Variants in EXT1 observed in about 807,000 individuals in gnomAD.
EXT1 encodes the protein exostosin glycosyltransferase 1.
In EXT1, 20 loss-of-function variants were observed where a neutral mutation model predicts 82.5. The observed-to-expected ratio is 0.24, with a 90% CI of 0.17 to 0.35. The LOEUF is 0.35. EXT1 is among the 10% of genes least tolerant of loss of function. EXT1 has a pLI of 1.00. For synonymous variants in EXT1, 348 were observed against 350.8 expected (o/e 0.99, Z 0.09); for missense variants, 757 against 936.5 (o/e 0.81, Z 2.50).
chr8:118,099,721 G>A (rs1817683486), intron 1 of EXT1, among the ~76,000 whole-genome samples: 1 of 152,218 alleles, frequency 6.6e-6, no homozygotes, highest in Non-Finnish European at 1.5e-5. Flanking sequence ...TGGACATAAA[G>A]ATTAAAGAAG....
rs529714436 is a variant in EXT1, at chr8:117,900,185, G to A, written c.963-62984C>T. Among the ~76,000 whole-genome samples the A allele has an allele frequency of 4.6e-5, 7 of 152,302 alleles. 1 individual carries two copies. The South Asian group carries it at 1.4e-3, about 32-fold the overall frequency. ...CAGAAAAGTCCTGCCTAGAGGTCAG[G>A]AAAGATGACCAGAAATGACGCCTGA... On this transcript the variant is annotated intron_variant, in intron 1 of 10. Transcript: ENST00000378204.
At chr8:117,995,047 G>C (rs1179389175) in intron 1 of EXT1, among the ~76,000 whole-genome samples, 1 of 152,244 alleles carries the variant, frequency 6.6e-6, no homozygotes, top group African/African-American at 2.4e-5. Flanking sequence ...CAAACTGAGA[G>C]AGAGTGTTTT....
intron 1 of EXT1, among the ~76,000 whole-genome samples, chr8:117,872,145 A>G (rs534731171): frequency 2.6e-5 from 4 of 151,104 alleles, no homozygotes; most frequent in Non-Finnish European, 5.9e-5. Context: ...TTTCAAAAGA[A>G]AGAAAAGGAA....
chr8:117,855,610 T>A (rs980668922), intron 1 of EXT1, among the ~76,000 whole-genome samples: 1 of 152,188 alleles, frequency 6.6e-6, no homozygotes, highest in African/African-American at 2.4e-5. Context: ...ATTAGGCCAA[T>A]TAATAACCCT....
At chr8:118,000,637 C>T (rs143677077) in intron 1 of EXT1, among the ~76,000 whole-genome samples, 8 of 152,268 alleles carry the variant, frequency 5.3e-5, no homozygotes, top group East Asian at 1.9e-4. Flanking sequence ...TAGCACTGCA[C>T]GCATCATTGA....
intron 10 of EXT1, among the ~76,000 whole-genome samples, chr8:117,803,262 T>G (rs1481147908): frequency 6.6e-6 from 1 of 152,124 alleles, no homozygotes; most frequent in Non-Finnish European, 1.5e-5. Flanking sequence ...TGGCATGATC[T>G]CAACCCACTG....
intron 1 of EXT1, among the ~76,000 whole-genome samples, chr8:118,004,556 C>T (rs763289907): frequency 2.6e-5 from 4 of 152,298 alleles, no homozygotes; most frequent in South Asian, 2.1e-4. Context: ...GGGAGCACAG[C>T]GCAGATGTCC....
intron 1 of EXT1, among the ~76,000 whole-genome samples, chr8:117,909,086 C>T (rs1340985759): frequency 9.2e-5 from 14 of 151,528 alleles, no homozygotes; most frequent in Admixed American, 7.9e-4. Flanking sequence ...GAACCGAGAT[C>T]GGGCCGTTGG....
At position 118,014,721 on chromosome 8, in the gene EXT1, G is replaced by C. The variant is rs559830622; in HGVS notation, c.962+95364C>G. ...CCGAAAGTGCTGGGATTATAGGTAGGAGCCACCATGCCCAGCCAAGCATCC... is the reference window on the plus strand; with the variant it reads ...CCGAAAGTGCTGGGATTATAGGTAGCAGCCACCATGCCCAGCCAAGCATCC... On this transcript the variant is annotated intron_variant, in intron 1 of 10. Coordinates refer to ENST00000378204, the MANE Select transcript of EXT1 (RefSeq NM_000127.3). 5.8e-4 allele frequency among the ~76,000 whole-genome samples: 89 copies of C among 152,162 alleles called. 1 individual carries two copies. In the South Asian group the frequency reaches 0.017, roughly 29 times the overall value.
At position 118,090,082 on chromosome 8, in the gene EXT1, G is replaced by C. The variant is rs557416501; in HGVS notation, c.962+20003C>G. 2.0e-5 allele frequency among the ~76,000 whole-genome samples: 3 copies of C among 152,248 alleles called. No individual in the cohort carries two copies. The South Asian group carries it at 6.2e-4, about 32-fold the overall frequency. ...ATCCTTTTCAGTGGTGGTGAGAGGT[G>C]CCAGGTGCTATTCTGCAGAGAAGTG... On this transcript the variant is annotated intron_variant, in intron 1 of 10. Coordinates refer to ENST00000378204, the MANE Select transcript of EXT1 (RefSeq NM_000127.3).
intron 1 of EXT1, among the ~76,000 whole-genome samples, chr8:118,015,346 C>T (rs904155936): frequency 1.3e-5 from 2 of 152,198 alleles, no homozygotes; most frequent in African/African-American, 4.8e-5. Context: ...CAATAGGTAT[C>T]ACTTCTTCCC....
At chr8:117,805,327 G>A (rs1185742834) in intron 9 of EXT1, among the ~76,000 whole-genome samples, 2 of 152,058 alleles carry the variant, frequency 1.3e-5, no homozygotes, top group African/African-American at 4.8e-5. Context: ...TTTAATCATT[G>A]GCTTAATCAG....
chr8:117,837,689 T>A (rs890839851), intron 1 of EXT1, among the ~76,000 whole-genome samples: 8 of 152,146 alleles, frequency 5.3e-5, no homozygotes, highest in Non-Finnish European at 1.2e-4. Context: ...AAACAACATT[T>A]GTCTTCTCTT....
chr8:117,823,105 A>G (rs17430126), intron 4 of EXT1, among the ~76,000 whole-genome samples: 47,914 of 151,980 alleles, frequency 0.32, 7,754 homozygotes, highest in Middle Eastern at 0.43. Context: ...AGATGTGTAT[A>G]CTTGTCATAT....
intron 10 of EXT1, among the ~76,000 whole-genome samples, chr8:117,800,174 C>T (rs994309275): frequency 2.6e-5 from 4 of 152,188 alleles, no homozygotes; most frequent in East Asian, 3.9e-4. Flanking sequence ...GGTCAGTCCA[C>T]GACTTAGCAA....
intron 4 of EXT1, among the ~76,000 whole-genome samples, 179 bp downstream of exon 4, chr8:117,830,051 T>C (rs1812072524): frequency 6.6e-6 from 1 of 152,164 alleles, no homozygotes; most frequent in South Asian, 2.1e-4. Context: ...TTGTCAGGAA[T>C]GAGAGTATTT....
chr8:118,073,645 A>AAGAGAAGAG (rs1563647743), intron 1 of EXT1, among the ~76,000 whole-genome samples: 1 of 96,512 alleles, frequency 1.0e-5, no homozygotes, highest in East Asian at 2.6e-4. Context: ...AAGAGAAGAG[A>AAGAGAAGAG]AGAGAAGAGA....
intron 1 of EXT1, among the ~76,000 whole-genome samples, chr8:117,924,500 C>T (rs566043554): frequency 6.6e-6 from 1 of 152,298 alleles, no homozygotes; most frequent in South Asian, 2.1e-4. Flanking sequence ...CTTCTGAGTA[C>T]AAAAGCAATC....
chr8:118,095,889 A>T (rs954246423), intron 1 of EXT1, among the ~76,000 whole-genome samples: 4 of 152,164 alleles, frequency 2.6e-5, no homozygotes, highest in Non-Finnish European at 5.9e-5. Flanking sequence ...AAACTAAACA[A>T]ACAAGCCACG....
Sources: allele counts gnomAD v4.1 joint callset (sites outside exome capture counted in the v4.1 genomes callset), GRCh38; gene constraint gnomAD v4.1.1; transcripts MANE v1.5; gene names NCBI Gene and HGNC (gene_info 2026-07-23, HGNC 2026-07-21).